The following BTBD3 variants were observed in gnomAD, a reference collection of about 807,000 sequenced individuals.
The protein encoded by BTBD3 is BTB/POZ domain-containing protein 3.
Under a neutral mutation model 41.6 loss-of-function variants are expected in BTBD3, and 14 were observed. The observed-to-expected ratio is 0.34, with a 90% CI of 0.22 to 0.53. The LOEUF (loss-of-function observed/expected upper bound fraction) is 0.53. Ranked by LOEUF, BTBD3 falls within the 20% of genes least tolerant of loss-of-function variation. The probability of loss-of-function intolerance (pLI) is 0.95; values close to 1 mark genes in which losing one functional copy is unlikely to be tolerated. For synonymous variants in BTBD3, 249 were observed against 233.7 expected (o/e 1.07, Z -0.60); for missense variants, 426 against 654.7 (o/e 0.65, Z 3.81).
Position 11,918,899 on chromosome 20 carries a change from A to G in BTBD3, c.327-187A>G, listed in dbSNP as rs2056941535. 3 of 569,396 alleles carry G rather than the reference A, an allele frequency of 5.3e-6. No homozygotes were observed. In the African/African-American group the frequency reaches 5.7e-5, roughly 11 times the overall value. 35.3% of individuals were successfully genotyped at this position (569,396 alleles called of 1,614,324 possible). On this transcript the variant is annotated intron_variant, in intron 1 of 3. Coordinates refer to ENST00000378226, the MANE Select transcript of BTBD3 (RefSeq NM_014962.4). ...AAAGTTTGTATAACTTTTATTTTAA[A>G]CTTTAGTTACTTCCCTTATGTTTGC...
upstream of BTBD3, among the ~76,000 whole-genome samples, chr20:11,914,432 G>A (rs2056906209): frequency 6.6e-6 from 1 of 152,008 alleles, no homozygotes; most frequent in East Asian, 1.9e-4. Context: ...TGAAAGCCAT[G>A]GCTTCTCTTT....
At chr20:11,919,642 G>A in intron 2 of BTBD3, 76 bp from the exon 3 acceptor site, 6 of 1,433,978 alleles carry the variant, frequency 4.2e-6, no homozygotes, top group Non-Finnish European at 5.9e-6. Context: ...TGATTGCCTA[G>A]TGTTGTTTTT....
chr20:11,909,448 G>C (rs2056876515), intron 1 of BTBD3: 1 of 151,958 alleles, frequency 6.6e-6, no homozygotes, highest in African/African-American at 2.4e-5. Flanking sequence ...AGAAATGTAG[G>C]TGCCTTTTTT....
At chr20:11,910,870 A>G (rs2056884992) in intron 1 of BTBD3, among the ~76,000 whole-genome samples, 1 of 152,208 alleles carries the variant, frequency 6.6e-6, no homozygotes, top group South Asian at 2.1e-4. Flanking sequence ...CCATCTAGAT[A>G]TTCTACCATA....
chr20:11,921,942 A>G (rs2056973134), intron 3 of BTBD3, among the ~76,000 whole-genome samples: 1 of 152,210 alleles, frequency 6.6e-6, no homozygotes, highest in Middle Eastern at 3.2e-3. Flanking sequence ...TCACAGAAGC[A>G]CAGGAATAAT....
At position 11,922,930 on chromosome 20, in the gene BTBD3, T is replaced by C; in HGVS notation, c.833T>C (p.Leu278Pro). 6.2e-7 allele frequency: 1 copy of C among 1,614,252 alleles called. No homozygotes were observed. The highest frequency in any genetic ancestry group is 1.1e-5 in the South Asian group (1 of 91,090). ...GAAAGTATTCTCCGTAGGGAAACTC[T>C]GAATGCCAAAGAAATTGTGGTTTTT... is the stretch of plus-strand genomic sequence containing the variant. ...TLESILRRETLNAKEIVVFEA... is the reference protein window; with the variant it reads ...TLESILRRETPNAKEIVVFEA... The change falls in exon 4 of 4, where the codon CTG becomes CCG. Residue 278 changes from leucine (L) to proline (P), a missense_variant. Leu to Pro is a moderately conservative substitution (Grantham distance 98, BLOSUM62 -3). This residue lies in a region of BTBD3 where 321 missense variants were observed against 534.8 expected (regional missense o/e 0.60). Transcript: ENST00000378226.
intron 1 of BTBD3, among the ~76,000 whole-genome samples, chr20:11,899,183 G>T (rs889975317): frequency 6.6e-6 from 1 of 151,906 alleles, no homozygotes; most frequent in Non-Finnish European, 1.5e-5. Context: ...TTCCTATGAG[G>T]TTCTTGCTGA....
chr20:11,890,838 T>TGCCCGCCGA (rs898054311), exon 1 of BTBD3: 1 of 984,518 alleles, frequency 1.0e-6, no homozygotes, highest in Non-Finnish European at 1.2e-6. Flanking sequence ...TGCGTGCGGG[T>TGCCCGCCGA]GCCCGCCGAG....
chr20:11,919,966 T>C (rs2056953955), intron 3 of BTBD3, 130 bp downstream of exon 3: 1 of 783,662 alleles, frequency 1.3e-6, no homozygotes, highest in East Asian at 2.5e-5. Context: ...CTGCTTACCT[T>C]GTAAATGTTT....
intron 1 of BTBD3, 63 bp from the exon 2 acceptor site, chr20:11,919,023 G>A: frequency 2.4e-6 from 3 of 1,264,148 alleles, no homozygotes; most frequent in Non-Finnish European, 3.4e-6. Flanking sequence ...GGTTTTGTAT[G>A]TTGGGGAAGG....
At chr20:11,898,996 C>T (rs557747445) in intron 1 of BTBD3, among the ~76,000 whole-genome samples, 1 of 152,240 alleles carries the variant, frequency 6.6e-6, no homozygotes, top group African/African-American at 2.4e-5. Flanking sequence ...CACCTGGGAG[C>T]TTTTCAAAAC....
intron 1 of BTBD3, among the ~76,000 whole-genome samples, chr20:11,907,998 G>A (rs2056866367): frequency 6.6e-6 from 1 of 152,160 alleles, no homozygotes; most frequent in African/African-American, 2.4e-5. Flanking sequence ...TAGCCCCTTA[G>A]GGAAGAGCAT....
intron 1 of BTBD3, among the ~76,000 whole-genome samples, chr20:11,903,691 C>T (rs1487016983): frequency 6.6e-6 from 1 of 152,046 alleles, no homozygotes; most frequent in Non-Finnish European, 1.5e-5. Flanking sequence ...ACTGCAACCT[C>T]CACCTCCCTG....
At chr20:11,895,558 G>A (rs541873905) in intron 1 of BTBD3, among the ~76,000 whole-genome samples, 7 of 152,266 alleles carry the variant, frequency 4.6e-5, no homozygotes, top group African/African-American at 1.7e-4. Flanking sequence ...AGGAAAGAGT[G>A]TAGGTTCCAG....
At chr20:11,919,258 C>T (rs915475414) in intron 2 of BTBD3, 82 bp downstream of exon 2, 278 of 1,417,384 alleles carry the variant, frequency 2.0e-4, no homozygotes, top group Non-Finnish European at 2.6e-4. Flanking sequence ...TTGGTGTGGG[C>T]AGCTTGCCGA....
At chr20:11,919,335 G>A (rs1178367176) in intron 2 of BTBD3, 159 bp downstream of exon 2, 14 of 1,390,030 alleles carry the variant, frequency 1.0e-5, no homozygotes, top group East Asian at 2.6e-5. Context: ...CTTTGGCCAC[G>A]CTTAATTTTT....
At chr20:11,916,168 T>A (rs1159360267), upstream of BTBD3, among the ~76,000 whole-genome samples, 1 of 152,170 alleles carries the variant, frequency 6.6e-6, no homozygotes, top group Non-Finnish European at 1.5e-5. Flanking sequence ...GAAATATTTA[T>A]GAGATTAATC....
chr20:11,893,632 A>G (rs144282644), intron 1 of BTBD3, among the ~76,000 whole-genome samples: 1 of 152,330 alleles, frequency 6.6e-6, no homozygotes, highest in Non-Finnish European at 1.5e-5. Flanking sequence ...TGTTTATTCA[A>G]ATTAAGCAAA....
chr20:11,897,169 C>T (rs948961423), intron 1 of BTBD3, among the ~76,000 whole-genome samples: 1 of 152,158 alleles, frequency 6.6e-6, no homozygotes, highest in Non-Finnish European at 1.5e-5. Context: ...TCAGTTCTCA[C>T]CCGCCTGTTG....
Sources: allele counts gnomAD v4.1 joint callset (sites outside exome capture counted in the v4.1 genomes callset), GRCh38; gene constraint gnomAD v4.1.1; regional missense constraint gnomAD v4.1.1; transcripts MANE v1.5; gene names NCBI Gene and HGNC (gene_info 2026-07-23, HGNC 2026-07-21).